Variants in AGMO observed in about 807,000 individuals in gnomAD.
The protein encoded by AGMO is alkylglycerol monooxygenase.
Under a neutral mutation model 60.2 loss-of-function variants are expected in AGMO, and 75 were observed. That is an observed-to-expected ratio of 1.25 (90% CI 1.03 to 1.51). The LOEUF (loss-of-function observed/expected upper bound fraction) is 1.51. Ranked by LOEUF, AGMO falls within the 40% of genes most tolerant of loss-of-function variation. The pLI is 0.00. For synonymous variants in AGMO, 261 were observed against 177.1 expected (o/e 1.47, Z -3.76); for missense variants, 763 against 525.5 (o/e 1.45, Z -4.42).
intron 12 of AGMO, among the ~76,000 whole-genome samples, chr7:15,261,509 A>C (rs1783270199): frequency 1.3e-5 from 2 of 152,008 alleles, no homozygotes; most frequent in Admixed American, 6.6e-5. Context: ...AATGATAATA[A>C]AAATATTGTC....
chr7:15,125,264 C>T, the AGMO span, among the ~76,000 whole-genome samples: 47 of 152,142 alleles, frequency 3.1e-4, no homozygotes, highest in East Asian at 1.7e-3. Context: ...CAAGAGTTTG[C>T]CCTCAGAGCA....
At chr7:15,269,663 A>G (rs1563062717) in intron 12 of AGMO, among the ~76,000 whole-genome samples, 1 of 152,118 alleles carries the variant, frequency 6.6e-6, no homozygotes, top group Non-Finnish European at 1.5e-5. Flanking sequence ...TTTGTTGCAC[A>G]TTGTTGCATA....
chr7:15,400,837 T>A (rs1281854934), intron 5 of AGMO, among the ~76,000 whole-genome samples: 1 of 152,218 alleles, frequency 6.6e-6, no homozygotes, highest in African/African-American at 2.4e-5. Context: ...TTATTTTATA[T>A]TATCTGAGTT....
intron 12 of AGMO, among the ~76,000 whole-genome samples, chr7:15,235,231 T>G (rs1381588445): frequency 6.6e-6 from 1 of 152,090 alleles, no homozygotes; most frequent in Non-Finnish European, 1.5e-5. Flanking sequence ...TAAACATGAC[T>G]CTCACTGTAT....
chr7:15,548,575 G>A (rs920330616), intron 2 of AGMO, among the ~76,000 whole-genome samples: 2 of 152,068 alleles, frequency 1.3e-5, no homozygotes, highest in Non-Finnish European at 2.9e-5. Context: ...AGCGATGGAA[G>A]ATGAAATGAA....
At chr7:15,513,161 T>C (rs566386458) in intron 3 of AGMO, among the ~76,000 whole-genome samples, 2 of 152,336 alleles carry the variant, frequency 1.3e-5, no homozygotes, top group African/African-American at 4.8e-5. Context: ...ATTGCTTGTC[T>C]GTTTGTGTGC....
At chr7:15,229,887 A>AGGAATTAGAAACATTATCTAATACTTTG (rs1782206178) in intron 12 of AGMO, among the ~76,000 whole-genome samples, 1 of 151,348 alleles carries the variant, frequency 6.6e-6, no homozygotes, top group Admixed American at 6.6e-5. Flanking sequence ...ATTCTGTAAA[A>AGGAATTAGAAACATTATCTAATACTTTG]GGAATTAGAA....
At chr7:15,423,464 C>G (rs1780979088) in intron 4 of AGMO, among the ~76,000 whole-genome samples, 1 of 152,056 alleles carries the variant, frequency 6.6e-6, no homozygotes, top group African/African-American at 2.4e-5. Flanking sequence ...TCCTTTTTAC[C>G]CCATTCCACC....
At position 15,318,780 on chromosome 7, in the gene AGMO, A is replaced by C. The variant is rs368489659; in HGVS notation, c.1263+46734T>G. ...CTCAATTTTTTTCTTTGTTTTTATC[A>C]ATCCTCTTTTACAGGTTGCCAATTA... On this transcript the variant is annotated intron_variant, in intron 12 of 12. Transcript: ENST00000342526. 2.0e-5 allele frequency among the ~76,000 whole-genome samples: 3 copies of C among 152,238 alleles called. No homozygotes were observed. The South Asian group carries it at 6.2e-4, about 32-fold the overall frequency.
chr7:15,144,491 A>G, the AGMO span, among the ~76,000 whole-genome samples: 1 of 152,344 alleles, frequency 6.6e-6, no homozygotes, highest in Non-Finnish European at 1.5e-5. Context: ...AAATAAGTCA[A>G]AAAAGGTGTG....
At chr7:15,495,821 T>A (rs1390571954) in intron 3 of AGMO, among the ~76,000 whole-genome samples, 1 of 92,504 alleles carries the variant, frequency 1.1e-5, no homozygotes, top group Non-Finnish European at 2.6e-5. Context: ...GGATGGAGAC[T>A]CTCTCTCTCT....
intron 12 of AGMO, among the ~76,000 whole-genome samples, chr7:15,319,217 A>G (rs1781032257): frequency 1.3e-5 from 2 of 152,202 alleles, no homozygotes; most frequent in Non-Finnish European, 2.9e-5. Flanking sequence ...GTGAGATAAA[A>G]TAATTTTAAA....
chr7:15,130,134 A>T, the AGMO span, among the ~76,000 whole-genome samples: 7 of 152,084 alleles, frequency 4.6e-5, no homozygotes, highest in African/African-American at 1.2e-4. Context: ...TTATTTTATT[A>T]TAGTTAGCAT....
At chr7:15,486,562 C>G (rs1365937178) in intron 3 of AGMO, among the ~76,000 whole-genome samples, 1 of 151,950 alleles carries the variant, frequency 6.6e-6, no homozygotes, top group Non-Finnish European at 1.5e-5. Context: ...TAAATGTAAG[C>G]AAACTGACAA....
At position 15,541,089 on chromosome 7, in the gene AGMO, T is replaced by C. The variant is rs1389178445; in HGVS notation, c.409+3683A>G. On this transcript the variant is annotated intron_variant, in intron 3 of 12. Transcript: ENST00000342526. Reference sequence around the variant, plus strand: ...ATAAAATGTACAAAGAAAAATAATATGCCAGTTGTTTTTTTGTTTGTTTGT... The same window carrying C: ...ATAAAATGTACAAAGAAAAATAATACGCCAGTTGTTTTTTTGTTTGTTTGT... Among the ~76,000 whole-genome samples the C allele has an allele frequency of 2.0e-5, 3 of 152,136 alleles. No individual in the cohort carries two copies. The South Asian group carries it at 6.2e-4, about 31-fold the overall frequency.
At chr7:15,455,502 ATC>A in intron 3 of AGMO, among the ~76,000 whole-genome samples, 1 of 151,864 alleles carries the variant, frequency 6.6e-6, no homozygotes, top group East Asian at 1.9e-4. Context: ...GGTTTCTTTA[ATC>A]TCTCTCCTGA....
intron 3 of AGMO, among the ~76,000 whole-genome samples, chr7:15,533,282 C>A (rs1784412899): frequency 6.6e-6 from 1 of 151,850 alleles, no homozygotes; most frequent in South Asian, 2.1e-4. Flanking sequence ...AATCTATTTT[C>A]TTGGGATTAA....
At chr7:15,472,739 T>C (rs1782482457) in intron 3 of AGMO, among the ~76,000 whole-genome samples, 1 of 151,972 alleles carries the variant, frequency 6.6e-6, no homozygotes, top group Non-Finnish European at 1.5e-5. Context: ...TATTAGCCTA[T>C]ACACTGGCAA....
At chr7:15,281,791 G>C (rs1182528723) in intron 12 of AGMO, among the ~76,000 whole-genome samples, 1 of 152,060 alleles carries the variant, frequency 6.6e-6, no homozygotes, top group Non-Finnish European at 1.5e-5. Flanking sequence ...ATTATTGAGG[G>C]GAAAATAGAT....
Sources: gnomAD v4.1 joint callset for allele counts (sites outside exome capture counted in the v4.1 genomes callset) on GRCh38, gnomAD v4.1.1 for gene constraint, MANE v1.5 for transcripts, NCBI Gene and HGNC (gene_info 2026-07-23, HGNC 2026-07-21) for gene names.